The following PAXIP1 variants were observed in gnomAD, a reference collection of about 807,000 sequenced individuals.
PAXIP1 encodes the protein PAX-interacting protein 1.
PAXIP1 carries 19 observed loss-of-function variants against 140.6 expected under a neutral mutation model. The ratio of observed to expected loss-of-function variants is 0.14; its 90% CI spans 0.09 to 0.20. The LOEUF (loss-of-function observed/expected upper bound fraction) is 0.20. Ranked by LOEUF, PAXIP1 falls within the 10% of genes least tolerant of loss-of-function variation. The probability of loss-of-function intolerance (pLI) is 1.00; values close to 1 mark genes in which losing one functional copy is unlikely to be tolerated. For synonymous variants in PAXIP1, 442 were observed against 444.6 expected (o/e 0.99, Z 0.07); for missense variants, 920 against 1,208.6 (o/e 0.76, Z 3.54).
rs935384493 is a variant in PAXIP1 at position 154,968,959 on chromosome 7, G to A, written c.1242C>T (p.His414=). 46 of 1,476,842 alleles carry A rather than the reference G, an allele frequency of 3.1e-5. No individual in the cohort carries two copies. Among genetic ancestry groups the A allele is most frequent in the Non-Finnish European group, 3.8e-5 (42 of 1,090,990 alleles). 91.5% of individuals were successfully genotyped at this position (1,476,842 alleles called of 1,614,324 possible). The change falls in exon 7 of 21, where the codon CAC becomes CAT. Residue 414 remains histidine (H), a synonymous_variant. Transcript: ENST00000404141. ...GCTGGGGCTGAAGGTGTAAAACCGG[G>A]TGCTGCTGCTGCTGCTGCTGGGCCT... ...QQQAQQQQQQ[H]PVLHLQPQQI... is the part of the protein sequence containing the mutation.
chr7:154,969,173 A>G lies in PAXIP1; in HGVS notation c.1075-47T>C, dbSNP rs554293946. 3 of 1,432,624 alleles carry G rather than the reference A, an allele frequency of 2.1e-6. No individual in the cohort carries two copies. The South Asian group carries it at 4.5e-5, about 22-fold the overall frequency. 88.7% of individuals were successfully genotyped at this position (1,432,624 alleles called of 1,614,324 possible). A position where few individuals can be genotyped will look rare whatever the true frequency, so the allele number is the denominator to read the frequency against. On this transcript the variant is annotated intron_variant, in intron 6 of 20. Transcript: ENST00000404141. The stretch of plus-strand genomic sequence containing the variant: ...AAACATTATCAACAGTTCCTGAAAC[A>G]GATGAATGATAATTTCTTAGTCAAG...
chr7:154,979,539 A>G (rs1585069322), intron 5 of PAXIP1, among the ~76,000 whole-genome samples: 1 of 152,206 alleles, frequency 6.6e-6, no homozygotes, highest in South Asian at 2.1e-4. Flanking sequence ...TAAAGGAATG[A>G]TAAAAATTAA....
intron 5 of PAXIP1, among the ~76,000 whole-genome samples, chr7:154,982,124 A>C (rs1809866197): frequency 6.6e-6 from 1 of 152,230 alleles, no homozygotes; most frequent in South Asian, 2.1e-4. Flanking sequence ...TAATGTAAAA[A>C]GAACCCACTA....
Position 154,963,906 on chromosome 7 carries a change from A to G in PAXIP1, c.1894-140T>C. On this transcript the variant is annotated intron_variant, in intron 8 of 20. Coordinates refer to ENST00000404141, the MANE Select transcript of PAXIP1 (RefSeq NM_007349.4). The surrounding 1 kb of genome is among the most constrained non-coding windows in gnomAD (Gnocchi z 4.1). Reference sequence around the variant, plus strand: ...CCTCAAAGTATCAAGGACATGTAACAGTTCTATTTACGGACTTTTCTACCC... The same window carrying G: ...CCTCAAAGTATCAAGGACATGTAACGGTTCTATTTACGGACTTTTCTACCC... 1 of 647,442 alleles carries G rather than the reference A, an allele frequency of 1.5e-6. No homozygotes were observed. Among genetic ancestry groups the G allele is most frequent in the Admixed American group, 2.4e-5 (1 of 41,884 alleles). 40.1% of individuals were successfully genotyped at this position (647,442 alleles called of 1,614,324 possible). A position where few individuals can be genotyped will look rare whatever the true frequency, so the allele number is the denominator to read the frequency against.
In PAXIP1 at chr7:154,970,344, T is replaced by C. The variant is rs183851146; in HGVS notation, c.1075-1218A>G. Among the ~76,000 whole-genome samples the C allele has an allele frequency of 1.5e-3, 223 of 152,308 alleles. 3 individuals are homozygous for C. The highest frequency in any genetic ancestry group is 9.6e-4 in the East Asian group (5 of 5,182). ...ATCTTTCACTTAAACAGATTCCAAA[T>C]TGCAAAGATTATATGACCTGCAAGG... On this transcript the variant is annotated intron_variant, in intron 6 of 20. Transcript: ENST00000404141.
intron 8 of PAXIP1, among the ~76,000 whole-genome samples, chr7:154,966,331 GA>G (rs1563370720): frequency 6.6e-6 from 1 of 152,186 alleles, no homozygotes. Flanking sequence ...GTCTTTGAGA[GA>G]AAACAGTTTT....
chr7:154,959,953 AT>A lies in PAXIP1; in HGVS notation c.2435-21del. On this transcript the variant is annotated intron_variant, in intron 12 of 20. Transcript: ENST00000404141. Reference sequence around the variant, plus strand: ...AAGCATCTAAAGAGAGAAACACATTATTTTTTATGATAGATACGTTGTTTAA... The same window carrying A: ...AAGCATCTAAAGAGAGAAACACATTATTTTTATGATAGATACGTTGTTTAA... 6.5e-7 allele frequency: 1 copy of A among 1,540,532 alleles called. No individual in the cohort carries two copies. Among genetic ancestry groups the A allele is most frequent in the Non-Finnish European group, 9.0e-7 (1 of 1,114,154 alleles).
At chr7:154,966,348 C>A (rs1809021415) in intron 8 of PAXIP1, among the ~76,000 whole-genome samples, 1 of 152,174 alleles carries the variant, frequency 6.6e-6, no homozygotes, top group Non-Finnish European at 1.5e-5. Context: ...GTTTTCTCTA[C>A]CAGCATTGTG....
chr7:154,979,840 G>T (rs1054985566), intron 5 of PAXIP1, among the ~76,000 whole-genome samples: 5 of 152,164 alleles, frequency 3.3e-5, no homozygotes, highest in Non-Finnish European at 7.4e-5. Context: ...ATAGAAGGGT[G>T]CATGGCCTAC....
At position 154,969,061 on chromosome 7, in the gene PAXIP1, T is replaced by G. The variant is rs1809174146; in HGVS notation, c.1140A>C (p.Gly380=). Residue 380 remains glycine, a synonymous_variant, in exon 7 of 21, where the codon GGA becomes GGC. Transcript: ENST00000404141. ...ACAGCACTGCATTGGCATTTGTATG[T>G]CCCTGCTGGCTGTGATTCACCTGCT... is the stretch of plus-strand genomic sequence containing the variant. ...LEQQVNHSQQ[G]HTNANAVLFS... The G allele has an allele frequency of 6.6e-7, 1 of 1,523,786 alleles. No homozygotes were observed. Among genetic ancestry groups the G allele is most frequent in the Admixed American group, 2.0e-5 (1 of 48,922 alleles). 94.4% of individuals were successfully genotyped at this position (1,523,786 alleles called of 1,614,324 possible).
In PAXIP1 at chr7:155,003,039, G is replaced by A. The variant is rs1238708701; in HGVS notation, c.-110C>T. The A allele has an allele frequency of 1.0e-4, 27 of 261,828 alleles. No individual in the cohort carries two copies. The highest frequency in any genetic ancestry group is 1.2e-4 in the Non-Finnish European group (24 of 192,254). The allele number at this position is 261,828 out of a possible 1,614,324, so 16.2% of individuals were successfully genotyped here. A position where few individuals can be genotyped will look rare whatever the true frequency, so the allele number is the denominator to read the frequency against. ...ACTCGCCCCGCCAACGGCCCTGCCC[G>A]CGCAGCCCGGGCCCGGTCCTGCGAA... is the stretch of plus-strand genomic sequence containing the variant. On this transcript the variant is annotated 5_prime_UTR_variant, in exon 1 of 21. Coordinates refer to ENST00000404141, the MANE Select transcript of PAXIP1 (RefSeq NM_007349.4).
In PAXIP1 at chr7:154,983,339, G is replaced by C. The variant is rs778773034; in HGVS notation, c.325-7C>G. The C allele has an allele frequency of 7.1e-7, 1 of 1,411,812 alleles. No homozygotes were observed. The highest frequency in any genetic ancestry group is 1.0e-6 in the Non-Finnish European group (1 of 998,998). The allele number at this position is 1,411,812 out of a possible 1,614,324, so 87.5% of individuals were successfully genotyped here. ...TTCTGTCTTCAGATGACACCTGACA[G>C]AAAGTTAGAAAGAAGGCTTTTACCA... On this transcript the variant is annotated splice_region_variant and splice_polypyrimidine_tract_variant and intron_variant, in intron 4 of 20. Transcript: ENST00000404141.
intron 2 of PAXIP1, among the ~76,000 whole-genome samples, chr7:154,994,960 A>T (rs1031728959): frequency 1.3e-5 from 2 of 152,068 alleles, no homozygotes; most frequent in Non-Finnish European, 1.5e-5. Context: ...AGTTAAATTT[A>T]AAAAAATGGG....
At chr7:154,998,057 T>C (rs989798423) in intron 2 of PAXIP1, among the ~76,000 whole-genome samples, 1 of 152,210 alleles carries the variant, frequency 6.6e-6, no homozygotes, top group Non-Finnish European at 1.5e-5. Flanking sequence ...AGTGGTAACG[T>C]GGGACGAGTT....
chr7:154,980,103 G>A lies in PAXIP1; in HGVS notation c.438+3116C>T, dbSNP rs145408538. 1.9e-3 allele frequency among the ~76,000 whole-genome samples: 283 copies of A among 152,240 alleles called. 2 individuals carry two copies. Among genetic ancestry groups the A allele is most frequent in the African/African-American group, 6.7e-3 (277 of 41,546 alleles). Reference sequence around the variant, plus strand: ...ATGATCAAGACAATGCTGCATAGTCGAGGAATTACCCTACAAACATTCTGG... The same window carrying A: ...ATGATCAAGACAATGCTGCATAGTCAAGGAATTACCCTACAAACATTCTGG... On this transcript the variant is annotated intron_variant, in intron 5 of 20. Transcript: ENST00000404141.
chr7:154,991,811 T>C (rs1180348245), intron 3 of PAXIP1, among the ~76,000 whole-genome samples: 4 of 152,204 alleles, frequency 2.6e-5, no homozygotes, highest in South Asian at 2.1e-4. Flanking sequence ...TTGGAGTGTG[T>C]AGAATTCAAA....
chr7:154,996,867 T>C (rs926699278), intron 2 of PAXIP1, among the ~76,000 whole-genome samples: 4 of 152,204 alleles, frequency 2.6e-5, no homozygotes, highest in African/African-American at 9.7e-5. Flanking sequence ...CAGGCAGGTT[T>C]AAGAACTACT....
intron 8 of PAXIP1, chr7:154,967,489 C>A: frequency 4.7e-6 from 1 of 213,100 alleles, no homozygotes; most frequent in East Asian, 1.1e-4. Flanking sequence ...GACTGAGATG[C>A]ATACAAATTA....
In PAXIP1 at chr7:154,970,538, C is replaced by T. The variant is rs73493707; in HGVS notation, c.1075-1412G>A. ...AGTGGAACTCTAAGCAGAAAAATGT[C>T]TTTTAAACAAAATAATAAGACAACT... On this transcript the variant is annotated intron_variant, in intron 6 of 20. Coordinates refer to ENST00000404141, the MANE Select transcript of PAXIP1 (RefSeq NM_007349.4). Among the ~76,000 whole-genome samples the T allele has an allele frequency of 6.3e-3, 965 of 152,336 alleles. 6 individuals carry two copies. Among genetic ancestry groups the T allele is most frequent in the African/African-American group, 0.022 (905 of 41,574 alleles).
Sources: allele counts gnomAD v4.1 joint callset (sites outside exome capture counted in the v4.1 genomes callset), GRCh38; gene constraint gnomAD v4.1.1; non-coding constraint Gnocchi (gnomAD v3.1); transcripts MANE v1.5; gene names NCBI Gene and HGNC (gene_info 2026-07-23, HGNC 2026-07-21).